GTF2A2: variants seen among roughly 807,000 people sequenced by gnomAD.
GTF2A2 encodes transcription initiation factor IIA subunit 2.
GTF2A2 carries 9 observed loss-of-function variants against 14.3 expected under a neutral mutation model. That is an observed-to-expected ratio of 0.63 (90% CI 0.38 to 1.10). The LOEUF (loss-of-function observed/expected upper bound fraction) is 1.10, where lower values mean the gene tolerates loss of function less well. GTF2A2 is among the 50% of genes least tolerant of loss of function. The pLI is 0.01. For synonymous variants in GTF2A2, 56 were observed against 46.0 expected (o/e 1.22, Z -0.88); for missense variants, 90 against 124.6 (o/e 0.72, Z 1.32).
At chr15:59,648,370 T>C (rs1236159916) in intron 3 of GTF2A2, among the ~76,000 whole-genome samples, 12 of 129,010 alleles carry the variant, frequency 9.3e-5, no homozygotes, top group African/African-American at 3.6e-4. Flanking sequence ...ATTGCGCCAC[T>C]GCATTCCAGC....
At chr15:59,643,005 A>G (rs1333081950) in intron 3 of GTF2A2, among the ~76,000 whole-genome samples, 1 of 150,936 alleles carries the variant, frequency 6.6e-6, no homozygotes, top group African/African-American at 2.4e-5. Context: ...ACCTCAGGTG[A>G]TCCACCCACC....
At chr15:59,641,703 T>C (rs1209521557) in intron 4 of GTF2A2, among the ~76,000 whole-genome samples, 2 of 152,174 alleles carry the variant, frequency 1.3e-5, no homozygotes, top group South Asian at 2.1e-4. Flanking sequence ...TAGATGAATA[T>C]TTACCATCAT....
At chr15:59,654,983 C>G (rs983188281) in intron 1 of GTF2A2, among the ~76,000 whole-genome samples, 2 of 152,072 alleles carry the variant, frequency 1.3e-5, no homozygotes, top group African/African-American at 2.4e-5. Flanking sequence ...TTTGGGATGC[C>G]CAACCTGTAC....
chr15:59,652,177 A>G, intron 2 of GTF2A2, 29 bp downstream of exon 2: 1 of 1,267,826 alleles, frequency 7.9e-7, no homozygotes, highest in Non-Finnish European at 1.1e-6. Context: ...TCAAGATAAA[A>G]ATGTTTGATT....
chr15:59,656,887 C>T (rs1013558839), intron 1 of GTF2A2: 1 of 152,134 alleles, frequency 6.6e-6, no homozygotes, highest in African/African-American at 2.4e-5. Flanking sequence ...TTATTGTTCC[C>T]TTCTTGTTTT....
chr15:59,639,409 TGGTTCACATAATTGTTAC>T (rs1891311283), intron 4 of GTF2A2, among the ~76,000 whole-genome samples: 1 of 152,106 alleles, frequency 6.6e-6, no homozygotes, highest in Non-Finnish European at 1.5e-5. Flanking sequence ...GAACTACATT[TGGTTCACATAATTGTTAC>T]ATAACCTTTC....
rs1891275843 is a variant in GTF2A2, at chr15:59,638,845, A to C, written c.*287T>G. 3 of 324,074 alleles carry C rather than the reference A, an allele frequency of 9.3e-6. No individual in the cohort carries two copies. The highest frequency in any genetic ancestry group is 4.3e-5 in the African/African-American group (2 of 45,998). The allele number at this position is 324,074 out of a possible 1,614,324, so 20.1% of individuals were successfully genotyped here. A position where few individuals can be genotyped will look rare whatever the true frequency, so the allele number is the denominator to read the frequency against. On this transcript the variant is annotated 3_prime_UTR_variant, in exon 5 of 5. Coordinates refer to ENST00000396060, the MANE Select transcript of GTF2A2 (RefSeq NM_004492.3). ...TCTAATATCTTCATATTGCTACCTTAATAGCTTCACCAGTTATTACTCAGA... is the reference window on the plus strand; with the variant it reads ...TCTAATATCTTCATATTGCTACCTTCATAGCTTCACCAGTTATTACTCAGA...
chr15:59,653,030 A>C (rs1441955060), intron 1 of GTF2A2: 2 of 152,184 alleles, frequency 1.3e-5, no homozygotes, highest in Non-Finnish European at 2.9e-5. Context: ...GTGGGGAAAA[A>C]CATAAACTGT....
intron 3 of GTF2A2, among the ~76,000 whole-genome samples, chr15:59,644,710 A>G (rs1891545628): frequency 6.6e-6 from 1 of 152,208 alleles, no homozygotes; most frequent in Admixed American, 6.5e-5. Flanking sequence ...AGTCCTAAAG[A>G]ATAAGTAAGA....
chr15:59,642,935 T>C (rs1483615185), intron 3 of GTF2A2, among the ~76,000 whole-genome samples: 1 of 150,940 alleles, frequency 6.6e-6, no homozygotes, highest in Non-Finnish European at 1.5e-5. Flanking sequence ...CCCAGCTAGT[T>C]TTTTTATTTT....
At chr15:59,640,537 G>T (rs1249196947) in intron 4 of GTF2A2, among the ~76,000 whole-genome samples, 2 of 152,128 alleles carry the variant, frequency 1.3e-5, no homozygotes. Context: ...ATTGAGTTAA[G>T]TTCCTCAGCT....
At chr15:59,656,658 G>T (rs1410044421) in intron 1 of GTF2A2, among the ~76,000 whole-genome samples, 1 of 152,132 alleles carries the variant, frequency 6.6e-6, no homozygotes, top group South Asian at 2.1e-4. Flanking sequence ...GGGAGAGGGG[G>T]TTAAAAAGGG....
chr15:59,645,056 G>C (rs1891557001), intron 3 of GTF2A2, among the ~76,000 whole-genome samples: 1 of 152,172 alleles, frequency 6.6e-6, no homozygotes, highest in Non-Finnish European at 1.5e-5. Flanking sequence ...TAGAAATGGA[G>C]AGACTTTTAA....
chr15:59,640,112 T>A lies in GTF2A2; in HGVS notation c.305-955A>T, dbSNP rs551972657. 2.0e-5 allele frequency: 3 copies of A among 149,540 alleles called. 1 individual carries two copies. The South Asian group carries it at 6.4e-4, about 32-fold the overall frequency. 9.3% of individuals were successfully genotyped at this position (149,540 alleles called of 1,614,324 possible). On this transcript the variant is annotated intron_variant, in intron 4 of 4. Transcript: ENST00000396060. Reference sequence around the variant, plus strand: ...CAGATATAAAGTAAATGGAATACAATTTAAGCTTTCCTTGAGTCAACAATC... The same window carrying A: ...CAGATATAAAGTAAATGGAATACAAATTAAGCTTTCCTTGAGTCAACAATC...
chr15:59,651,503 G>A (rs1459103050), intron 2 of GTF2A2: 1 of 151,962 alleles, frequency 6.6e-6, no homozygotes, highest in Non-Finnish European at 1.5e-5. Flanking sequence ...TTTTTATTTG[G>A]GAGAATTATA....
intron 3 of GTF2A2, among the ~76,000 whole-genome samples, chr15:59,648,281 G>A (rs1022652283): frequency 6.6e-6 from 1 of 151,318 alleles, no homozygotes; most frequent in African/African-American, 2.4e-5. Context: ...TGTGGCGTGT[G>A]CCTGTAATCC....
At chr15:59,652,155 A>G (rs970636378) in intron 2 of GTF2A2, 51 bp downstream of exon 2, 3 of 990,482 alleles carry the variant, frequency 3.0e-6, no homozygotes, top group Non-Finnish European at 4.8e-6. Context: ...GACAAGAATT[A>G]CTGTAAACCC....
At position 59,642,246 on chromosome 15, in the gene GTF2A2, T is replaced by C; in HGVS notation, c.194A>G (p.Tyr65Cys). 1 of 1,608,778 alleles carries C rather than the reference T, an allele frequency of 6.2e-7. No homozygotes were observed. The highest frequency in any genetic ancestry group is 8.5e-7 in the Non-Finnish European group (1 of 1,177,788). ...AGTCCACACATTATCGCAGAATCTGTACGTATTTAGAGAGCCCTTTAAAAC... is the reference window on the plus strand; with the variant it reads ...AGTCCACACATTATCGCAGAATCTGCACGTATTTAGAGAGCCCTTTAAAAC... Reference protein sequence around the residue: ...RVNFRGSLNTYRFCDNVWTFV... With the variant: ...RVNFRGSLNTCRFCDNVWTFV... Residue 65 changes from tyrosine to cysteine, a missense_variant, in exon 4 of 5, where the codon TAC becomes TGC. By Grantham distance (194) the Tyr-to-Cys change is radical (BLOSUM62 -2). Transcript: ENST00000396060.
At chr15:59,646,345 T>C (rs1460591694) in intron 3 of GTF2A2, among the ~76,000 whole-genome samples, 3 of 152,182 alleles carry the variant, frequency 2.0e-5, no homozygotes, top group South Asian at 2.1e-4. Context: ...CATGAACCAC[T>C]GTACCTTGCC....
Sources: gnomAD v4.1 joint callset for allele counts (sites outside exome capture counted in the v4.1 genomes callset) on GRCh38, gnomAD v4.1.1 for gene constraint, MANE v1.5 for transcripts, NCBI Gene and HGNC (gene_info 2026-07-23, HGNC 2026-07-21) for gene names.